The following MYO9B variants were observed in gnomAD, a reference collection of about 807,000 sequenced individuals.
The protein encoded by MYO9B is unconventional myosin-IXb.
A neutral mutation model predicts 229.5 loss-of-function variants in MYO9B; 71 were observed. The observed-to-expected ratio is 0.31, with a 90% CI of 0.26 to 0.38. MYO9B has a LOEUF of 0.38. Among genes scored for constraint, MYO9B ranks in the 10% least tolerant of loss-of-function variants. The pLI is 1.00. For missense variants in MYO9B, 2,255 were observed against 2,920.5 expected (o/e 0.77, Z 5.25); for synonymous variants, 1,185 against 1,235.8 (o/e 0.96, Z 0.86).
intron 2 of MYO9B, among the ~76,000 whole-genome samples, chr19:17,116,737 G>A (rs142295932): frequency 3.1e-3 from 468 of 152,198 alleles, no homozygotes; most frequent in Admixed American, 7.1e-3. Context: ...GAAAAATGGG[G>A]CACATCAGCC....
At chr19:17,161,052 C>T (rs1028681157) in intron 8 of MYO9B, among the ~76,000 whole-genome samples, 4 of 151,870 alleles carry the variant, frequency 2.6e-5, no homozygotes, top group African/African-American at 7.3e-5. Flanking sequence ...CCACCCGCCT[C>T]GGCTCCCAGA....
chr19:17,156,276 TGGTGG>T (rs1214869422), intron 6 of MYO9B, among the ~76,000 whole-genome samples: 7 of 152,000 alleles, frequency 4.6e-5, no homozygotes, highest in Admixed American at 6.6e-5. Context: ...TAGCCAGGCA[TGGTGG>T]TACAAACCTG....
chr19:17,205,464 T>C lies in MYO9B; in HGVS notation c.5064+128T>C, dbSNP rs879840281. The stretch of plus-strand genomic sequence containing the variant: ...GCCAGTAGGGGGCGGCTGTGGCCTC[T>C]GGTTCTGCAGAACACACCATTGTCC... On this transcript the variant is annotated intron_variant, in intron 31 of 39. Coordinates refer to ENST00000682292, the MANE Select transcript of MYO9B (RefSeq NM_004145.4). The C allele has an allele frequency of 2.9e-5, 24 of 835,494 alleles. 1 individual carries two copies. In the Admixed American group the frequency reaches 3.9e-4, roughly 14 times the overall value. 51.8% of individuals were successfully genotyped at this position (835,494 alleles called of 1,614,324 possible).
At chr19:17,100,786 C>G (rs1599322619) in intron 1 of MYO9B, among the ~76,000 whole-genome samples, 1 of 152,136 alleles carries the variant, frequency 6.6e-6, no homozygotes, top group Non-Finnish European at 1.5e-5. Flanking sequence ...AGCAACCACA[C>G]TCTAGGCCAT....
At chr19:17,129,820 T>G (rs186985160) in intron 2 of MYO9B, among the ~76,000 whole-genome samples, 48 of 152,132 alleles carry the variant, frequency 3.2e-4, no homozygotes, top group Admixed American at 2.6e-3. Flanking sequence ...TTTTTTGGTT[T>G]GTTTGTTTGT....
intron 4 of MYO9B, 199 bp downstream of exon 4, chr19:17,152,905 T>C: frequency 1.7e-6 from 1 of 575,818 alleles, no homozygotes; most frequent in Non-Finnish European, 3.1e-6. Context: ...TCCTCATACC[T>C]CCCAAGCCAC....
chr19:17,199,483 A>G (rs765633147), intron 24 of MYO9B, among the ~76,000 whole-genome samples: 8 of 151,986 alleles, frequency 5.3e-5, no homozygotes, highest in Non-Finnish European at 1.0e-4. Context: ...ATTGCTCTTT[A>G]TAAGATAATC....
intron 7 of MYO9B, among the ~76,000 whole-genome samples, chr19:17,158,218 G>A (rs988600881): frequency 1.3e-5 from 2 of 152,198 alleles, no homozygotes; most frequent in African/African-American, 4.8e-5. Flanking sequence ...TATTGGTACA[G>A]GAGCCCCAGC....
Position 17,194,970 on chromosome 19 carries a change from G to A in MYO9B, c.3543G>A (p.Arg1181=). The change falls in exon 22 of 40, where the codon AGG becomes AGA. Residue 1181 remains arginine (R), a synonymous_variant. Coordinates refer to ENST00000682292, the MANE Select transcript of MYO9B (RefSeq NM_004145.4). The stretch of plus-strand genomic sequence containing the variant: ...GTGCCCTCAGAGAACCTTCCAGAAG[G>A]GTCACCCAGGAGCAAGGGGTGAGTC... ...EESALREPSR[R]VTQEQGVSLL... The A allele has an allele frequency of 1.9e-6, 3 of 1,613,338 alleles. No individual in the cohort carries two copies. Among genetic ancestry groups the A allele is most frequent in the Non-Finnish European group, 2.5e-6 (3 of 1,179,882 alleles).
rs2072914838 is a variant in MYO9B at position 17,185,956 on chromosome 19, G to A, written c.2532G>A (p.Lys844=). 6.2e-7 allele frequency: 1 copy of A among 1,613,988 alleles called. No individual in the cohort carries two copies. Residue 844 remains lysine, a synonymous_variant, in exon 18 of 40, where the codon AAG becomes AAA. Coordinates refer to ENST00000682292, the MANE Select transcript of MYO9B (RefSeq NM_004145.4). ...ACAAGCTCTTGGAGGCACTGGGGAA[G>A]GCGGAGCCCTTCTTTATCCGCTGCA... ...SLNKLLEALG[K]AEPFFIRCIR...
Position 17,211,995 on chromosome 19 carries a change from G to A in MYO9B, c.6159G>A (p.Thr2053=), listed in dbSNP as rs570571598. Residue 2053 remains threonine (T), a synonymous_variant, in exon 40 of 40, where the codon ACG becomes ACA. Coordinates refer to ENST00000682292, the MANE Select transcript of MYO9B (RefSeq NM_004145.4). ...PPRRRPSSFV[T]VRVKTPRRTP... is the part of the protein sequence containing the mutation. Reference sequence around the variant, plus strand: ...GACGAAGGCCGTCGTCCTTCGTAACGGTCAGAGTGAAGACCCCCCGGCGGA... The same window carrying A: ...GACGAAGGCCGTCGTCCTTCGTAACAGTCAGAGTGAAGACCCCCCGGCGGA... 3.5e-5 allele frequency: 48 copies of A among 1,366,192 alleles called. No individual in the cohort carries two copies. The highest frequency in any genetic ancestry group is 4.0e-5 in the Admixed American group (2 of 50,040). The allele number at this position is 1,366,192 out of a possible 1,614,324, so 84.6% of individuals were successfully genotyped here. A position where few individuals can be genotyped will look rare whatever the true frequency, so the allele number is the denominator to read the frequency against.
Position 17,154,128 on chromosome 19 carries a change from G to T in MYO9B, c.1098+62G>T, listed in dbSNP as rs1168606042. On this transcript the variant is annotated intron_variant, in intron 5 of 39. Transcript: ENST00000682292. ...CTGTTCCCGGCCTCAAGCTGTTTAT[G>T]TATAGCCGGGAAGTCAGAGGCAGCC... 9 of 1,516,988 alleles carry T rather than the reference G, an allele frequency of 5.9e-6. No homozygotes were observed. The African/African-American group carries it at 9.6e-5, about 16-fold the overall frequency. The allele number at this position is 1,516,988 out of a possible 1,614,324, so 94.0% of individuals were successfully genotyped here. A position where few individuals can be genotyped will look rare whatever the true frequency, so the allele number is the denominator to read the frequency against.
intron 14 of MYO9B, chr19:17,177,739 C>G (rs746999322): frequency 6.6e-6 from 1 of 152,500 alleles, no homozygotes; most frequent in Non-Finnish European, 1.5e-5. Flanking sequence ...GGCCTGGCCA[C>G]AGGGCTGCAG....
chr19:17,185,555 A>AAC (rs1555702432), intron 17 of MYO9B, among the ~76,000 whole-genome samples: 19 of 150,514 alleles, frequency 1.3e-4, no homozygotes, highest in African/African-American at 4.7e-4. Context: ...TCAAAAAAAA[A>AAC]AAAACAAAAC....
chr19:17,197,822 C>T lies in MYO9B; in HGVS notation c.4077C>T (p.Asp1359=), dbSNP rs746565913. Reference sequence around the variant, plus strand: ...GGCGCACCTCCTTCTCCACGAGCGACGTCTCCAAGCTCCTCCCGTCCCTGG... The same window carrying T: ...GGCGCACCTCCTTCTCCACGAGCGATGTCTCCAAGCTCCTCCCGTCCCTGG... The part of the protein sequence containing the change: ...EERRTSFSTS[D]VSKLLPSLAK... The change falls in exon 23 of 40, where the codon GAC becomes GAT. Residue 1359 remains aspartate, a synonymous_variant. Transcript: ENST00000682292. 5.6e-6 allele frequency: 9 copies of T among 1,613,760 alleles called. No homozygotes were observed. The highest frequency in any genetic ancestry group is 2.2e-5 in the East Asian group (1 of 44,882).
chr19:17,198,010 C>T (rs940484649), intron 23 of MYO9B, 152 bp downstream of exon 23: 58 of 1,311,772 alleles, frequency 4.4e-5, no homozygotes, highest in East Asian at 7.5e-5. Context: ...GTGAGCCTCG[C>T]GAGACCAGGC....
At position 17,212,602 on chromosome 19, in the gene MYO9B, C is replaced by T. The variant is rs2073244348; in HGVS notation, c.*292C>T. On this transcript the variant is annotated 3_prime_UTR_variant, in exon 40 of 40. Coordinates refer to ENST00000682292, the MANE Select transcript of MYO9B (RefSeq NM_004145.4). This position sits in a 1 kb window ranked among gnomAD's most constrained non-coding sequence, Gnocchi z 5.4. Reference sequence around the variant, plus strand: ...CCCCTTTTTGTACGTTTAACTGTTTCTTTGTACGTGGTTTACGTAACTTTA... The same window carrying T: ...CCCCTTTTTGTACGTTTAACTGTTTTTTTGTACGTGGTTTACGTAACTTTA... The T allele has an allele frequency of 2.4e-6, 1 of 415,318 alleles. No individual in the cohort carries two copies. Among genetic ancestry groups the T allele is most frequent in the Non-Finnish European group, 4.3e-6 (1 of 235,002 alleles). 25.7% of individuals were successfully genotyped at this position (415,318 alleles called of 1,614,324 possible). A position where few individuals can be genotyped will look rare whatever the true frequency, so the allele number is the denominator to read the frequency against.
intron 14 of MYO9B, chr19:17,178,440 A>G (rs966295042): frequency 6.6e-6 from 1 of 151,924 alleles, no homozygotes; most frequent in African/African-American, 2.4e-5. Context: ...ACACGCCTAC[A>G]AGAAAAAATA....
At chr19:17,104,542 G>A (rs960908958) in intron 2 of MYO9B, among the ~76,000 whole-genome samples, 3 of 152,158 alleles carry the variant, frequency 2.0e-5, no homozygotes, top group African/African-American at 7.2e-5. Context: ...GGCAGCGTGT[G>A]GCCTCAGGGG....
Sources: allele counts gnomAD v4.1 joint callset (sites outside exome capture counted in the v4.1 genomes callset), GRCh38; gene constraint gnomAD v4.1.1; non-coding constraint Gnocchi (gnomAD v3.1); transcripts MANE v1.5; gene names NCBI Gene and HGNC (gene_info 2026-07-23, HGNC 2026-07-21).